The following PKHD1 variants were observed in gnomAD, a reference collection of about 807,000 sequenced individuals.
PKHD1 encodes fibrocystin.
Under a neutral mutation model 412.0 loss-of-function variants are expected in PKHD1, and 291 were observed. The ratio of observed to expected loss-of-function variants is 0.71; its 90% CI spans 0.64 to 0.78. The LOEUF (loss-of-function observed/expected upper bound fraction) is 0.78. Ranked by LOEUF, PKHD1 falls within the 30% of genes least tolerant of loss-of-function variation. PKHD1 has a pLI of 0.00. For missense variants in PKHD1, 4,825 were observed against 4,950.7 expected (o/e 0.97, Z 0.76); for synonymous variants, 1,777 against 1,821.5 (o/e 0.98, Z 0.62).
At chr6:51,633,230 A>C (rs1265962923) in intron 64 of PKHD1, among the ~76,000 whole-genome samples, 1 of 152,164 alleles carries the variant, frequency 6.6e-6, no homozygotes, top group Non-Finnish European at 1.5e-5. Context: ...GGCAGATAGA[A>C]CTGCCGGCCA....
At chr6:52,004,471 A>G (rs1798818524) in intron 35 of PKHD1, among the ~76,000 whole-genome samples, 2 of 152,000 alleles carry the variant, frequency 1.3e-5, no homozygotes, top group Admixed American at 6.6e-5. Flanking sequence ...CAACATCTCT[A>G]TCATCCATAG....
At chr6:51,826,244 G>C (rs1192149566) in intron 52 of PKHD1, among the ~76,000 whole-genome samples, 1 of 152,000 alleles carries the variant, frequency 6.6e-6, no homozygotes, top group East Asian at 1.9e-4. Context: ...GGCATTTAAG[G>C]TACTGAATAT....
chr6:51,668,647 A>G (rs373464887), intron 60 of PKHD1, among the ~76,000 whole-genome samples: 73 of 151,648 alleles, frequency 4.8e-4, no homozygotes, highest in African/African-American at 1.7e-3. Flanking sequence ...AATGCTTCCA[A>G]TTTTTGCCCA....
chr6:52,037,805 T>C (rs1804186226), intron 27 of PKHD1, among the ~76,000 whole-genome samples: 1 of 152,200 alleles, frequency 6.6e-6, no homozygotes, highest in Admixed American at 6.5e-5. Flanking sequence ...GCAAATAACC[T>C]CTTGACCCAG....
chr6:52,034,441 A>G (rs1294278382), intron 28 of PKHD1, among the ~76,000 whole-genome samples: 1 of 152,038 alleles, frequency 6.6e-6, no homozygotes, highest in African/African-American at 2.4e-5. Context: ...TTTTTTATTA[A>G]TGTTTATGTT....
intron 52 of PKHD1, among the ~76,000 whole-genome samples, chr6:51,828,576 A>C (rs10456650): frequency 0.44 from 67,320 of 151,858 alleles, 16,003 homozygotes; most frequent in Middle Eastern, 0.61. Flanking sequence ...GCTGTCAAAC[A>C]CAAAGATTTA....
At chr6:51,626,431 C>T (rs754076744) in intron 66 of PKHD1, among the ~76,000 whole-genome samples, 1 of 152,262 alleles carries the variant, frequency 6.6e-6, no homozygotes, top group Non-Finnish European at 1.5e-5. Flanking sequence ...CAGGCAAATG[C>T]TTATCTTTTC....
intron 52 of PKHD1, among the ~76,000 whole-genome samples, chr6:51,817,485 G>C (rs1765657786): frequency 6.6e-6 from 1 of 152,130 alleles, no homozygotes; most frequent in Non-Finnish European, 1.5e-5. Context: ...TGAGGGGAGA[G>C]GGAAGGGGAC....
At chr6:51,727,283 T>C (rs771205846) in intron 60 of PKHD1, among the ~76,000 whole-genome samples, 1 of 152,230 alleles carries the variant, frequency 6.6e-6, no homozygotes, top group South Asian at 2.1e-4. Context: ...GTATCCGAGT[T>C]ACCAGCAGTA....
At chr6:51,705,809 T>A (rs1409188253) in intron 60 of PKHD1, among the ~76,000 whole-genome samples, 1 of 151,954 alleles carries the variant, frequency 6.6e-6, no homozygotes, top group Non-Finnish European at 1.5e-5. Context: ...AAATAAAAAT[T>A]AAAAAAAATC....
intron 34 of PKHD1, among the ~76,000 whole-genome samples, chr6:52,010,863 A>G (rs1168438663): frequency 6.6e-6 from 1 of 151,516 alleles, no homozygotes; most frequent in Admixed American, 6.6e-5. Flanking sequence ...TCTTACTCAT[A>G]CTTAGTGTTG....
At position 51,943,326 on chromosome 6, in the gene PKHD1, A is replaced by T. The variant is rs563368907; in HGVS notation, c.5909-9004T>A. 4.0e-5 allele frequency among the ~76,000 whole-genome samples: 6 copies of T among 151,012 alleles called. No individual in the cohort carries two copies. In the East Asian group the frequency reaches 1.2e-3, roughly 30 times the overall value. ...CAGCCCATTTGAGCTCCTGTATAAG[A>T]CGCTCCTTTTTATTAGGCCCCAGTC... On this transcript the variant is annotated intron_variant, in intron 36 of 66. Transcript: ENST00000371117.
chr6:51,953,432 G>C (rs1024899509), intron 36 of PKHD1, among the ~76,000 whole-genome samples: 3 of 151,926 alleles, frequency 2.0e-5, no homozygotes, highest in Non-Finnish European at 4.4e-5. Context: ...ACTCACACAG[G>C]CCTGATGCAC....
chr6:51,786,072 T>G (rs1792808401), intron 53 of PKHD1, among the ~76,000 whole-genome samples: 1 of 152,170 alleles, frequency 6.6e-6, no homozygotes, highest in Non-Finnish European at 1.5e-5. Context: ...TACGTACTAT[T>G]ATTATTTCTA....
Position 51,716,821 on chromosome 6 carries a change from C to A in PKHD1, c.10156+27564G>T, listed in dbSNP as rs542816858. On this transcript the variant is annotated intron_variant, in intron 60 of 66. Coordinates refer to ENST00000371117, the MANE Select transcript of PKHD1 (RefSeq NM_138694.4). ...TGGGTTTACTGAGGCAGTACCATCACCCCCCTCCAACCACATGTAGGATAA... is the reference window on the plus strand; with the variant it reads ...TGGGTTTACTGAGGCAGTACCATCAACCCCCTCCAACCACATGTAGGATAA... Among the ~76,000 whole-genome samples, 113 of 152,088 alleles carry A rather than the reference C, an allele frequency of 7.4e-4. 2 individuals carry two copies. Among genetic ancestry groups the A allele is most frequent in the Admixed American group, 4.9e-3 (75 of 15,262 alleles).
chr6:52,076,661 G>T (rs10948669), intron 5 of PKHD1, among the ~76,000 whole-genome samples: 2 of 151,988 alleles, frequency 1.3e-5, no homozygotes, highest in South Asian at 2.1e-4. Context: ...TTTACTAGAA[G>T]GAAAGGTAGA....
chr6:52,035,598 G>A lies in PKHD1; in HGVS notation c.3221C>T (p.Pro1074Leu). ...TGAAAGGAATCCACTTACCCTGGGT[G>A]GAACTTTGCACTGAATTCTGCTTGA... ...SNSSRIQCKVPPRGKDGRIVN... is the reference protein window; with the variant it reads ...SNSSRIQCKVLPRGKDGRIVN... Residue 1074 changes from proline (P) to leucine (L), a missense_variant, in exon 28 of 67, where the codon CCA becomes CTA. Pro to Leu is a moderately conservative substitution (Grantham distance 98). Coordinates refer to ENST00000371117, the MANE Select transcript of PKHD1 (RefSeq NM_138694.4). 6.2e-7 allele frequency: 1 copy of A among 1,613,856 alleles called. No individual in the cohort carries two copies. Among genetic ancestry groups the A allele is most frequent in the Non-Finnish European group, 8.5e-7 (1 of 1,179,808 alleles).
At position 52,069,676 on chromosome 6, in the gene PKHD1, C is replaced by T; in HGVS notation, c.708-149G>A. ...GCAGCTCCCTTGGATAACTAAAGAA[C>T]AATACCAACAGGACAAAGTTGTTTT... is the stretch of plus-strand genomic sequence containing the variant. On this transcript the variant is annotated intron_variant, in intron 10 of 66. Coordinates refer to ENST00000371117, the MANE Select transcript of PKHD1 (RefSeq NM_138694.4). The T allele has an allele frequency of 5.4e-6, 4 of 737,234 alleles. No individual in the cohort carries two copies. The South Asian group carries it at 5.7e-5, about 11-fold the overall frequency. The allele number at this position is 737,234 out of a possible 1,614,324, so 45.7% of individuals were successfully genotyped here. A position where few individuals can be genotyped will look rare whatever the true frequency, so the allele number is the denominator to read the frequency against.
intron 60 of PKHD1, among the ~76,000 whole-genome samples, chr6:51,686,184 C>G (rs985921625): frequency 4.6e-5 from 7 of 151,990 alleles, no homozygotes; most frequent in African/African-American, 1.7e-4. Context: ...GTTTTTGAAC[C>G]CTTAACTCAT....
Sources: allele counts gnomAD v4.1 joint callset (sites outside exome capture counted in the v4.1 genomes callset), GRCh38; gene constraint gnomAD v4.1.1; transcripts MANE v1.5; gene names NCBI Gene and HGNC (gene_info 2026-07-23, HGNC 2026-07-21).